Variants in VCAN observed in about 807,000 individuals in gnomAD.
VCAN encodes the protein versican.
In VCAN, 44 loss-of-function variants were observed where a neutral mutation model predicts 245.5. That is an observed-to-expected ratio of 0.18 (90% CI 0.14 to 0.23). The LOEUF is 0.23. Ranked by LOEUF, VCAN falls within the 10% of genes least tolerant of loss-of-function variation. The probability of loss-of-function intolerance (pLI) is 1.00; values close to 1 mark genes in which losing one functional copy is unlikely to be tolerated. For synonymous variants in VCAN, 1,413 were observed against 1,437.0 expected (o/e 0.98, Z 0.38); for missense variants, 3,793 against 4,057.9 (o/e 0.93, Z 1.77).
At chr5:83,547,151 A>G (rs1747258893) in intron 9 of VCAN, among the ~76,000 whole-genome samples, 1 of 152,130 alleles carries the variant, frequency 6.6e-6, no homozygotes, top group African/African-American at 2.4e-5. Flanking sequence ...GGGAGACAGT[A>G]CCAGAAGGCA....
chr5:83,527,984 C>A (rs1746365151), intron 7 of VCAN, among the ~76,000 whole-genome samples: 1 of 152,184 alleles, frequency 6.6e-6, no homozygotes, highest in South Asian at 2.1e-4. Context: ...ACCCATACAC[C>A]ATCTTCTAGC....
In VCAN at chr5:83,519,700, G is replaced by C. The variant is rs1746001317; in HGVS notation, c.1394G>C (p.Gly465Ala). 1 of 1,614,022 alleles carries C rather than the reference G, an allele frequency of 6.2e-7. No individual in the cohort carries two copies. The highest frequency in any genetic ancestry group is 8.5e-7 in the Non-Finnish European group (1 of 1,180,000). The change falls in exon 7 of 15, where the codon GGC (glycine) becomes GCC (alanine). Residue 465 changes from glycine to alanine, a missense_variant. This residue lies in a region of VCAN where 3,182 missense variants were observed against 3,250.3 expected (regional missense o/e 0.98). Coordinates refer to ENST00000265077, the MANE Select transcript of VCAN (RefSeq NM_004385.5). Reference protein sequence around the residue: ...IKEEVLQSTTGVSHYATDSWD... With the variant: ...IKEEVLQSTTAVSHYATDSWD... ...GAAGAAGTGCTCCAGAGTACAACTG[G>C]CGTCTCTCATTATGCTACGGATTCA...
At chr5:83,508,216 C>G (rs1162199094) in intron 5 of VCAN, among the ~76,000 whole-genome samples, 1 of 152,146 alleles carries the variant, frequency 6.6e-6, no homozygotes, top group Admixed American at 6.5e-5. Flanking sequence ...ACTGGGTACC[C>G]AGTCTGCTCA....
intron 12 of VCAN, among the ~76,000 whole-genome samples, chr5:83,556,328 C>T (rs1320789554): frequency 6.6e-6 from 1 of 152,194 alleles, no homozygotes; most frequent in Admixed American, 6.5e-5. Context: ...ACAGTTTCTT[C>T]TGACCGGTAC....
chr5:83,568,451 G>A (rs929611596), intron 12 of VCAN, among the ~76,000 whole-genome samples: 1 of 152,188 alleles, frequency 6.6e-6, no homozygotes, highest in African/African-American at 2.4e-5. Context: ...ATTGCTGCAA[G>A]CCAAATGTAA....
At chr5:83,475,564 A>G (rs994004) in intron 1 of VCAN, among the ~76,000 whole-genome samples, 38,683 of 152,186 alleles carry the variant, frequency 0.25, 6,142 homozygotes, top group Non-Finnish European at 0.36. Context: ...GTTCTGAGAT[A>G]GAAGCGGTTC....
rs141976792 is a variant in VCAN at position 83,541,892 on chromosome 5, C to T, written c.8889C>T (p.Ala2963=). ...TPEAGTVITT[A]DEIELEGATQ... ...AGGCTGGAACTGTTATTACAACTGC[C>T]GATGAAATTGAATTAGAAGGTGCTA... The change falls in exon 8 of 15, where the codon GCC becomes GCT. Residue 2963 remains alanine (A), a synonymous_variant. Transcript: ENST00000265077. The T allele has an allele frequency of 1.7e-5, 27 of 1,613,928 alleles. No homozygotes were observed. The highest frequency in any genetic ancestry group is 7.6e-6 in the Non-Finnish European group (9 of 1,180,000).
At chr5:83,492,354 A>C (rs1451280565) in intron 3 of VCAN, among the ~76,000 whole-genome samples, 1 of 152,234 alleles carries the variant, frequency 6.6e-6, no homozygotes, top group Admixed American at 6.5e-5. Context: ...ACCACAGTTT[A>C]TCCCAAATAA....
chr5:83,484,816 A>G (rs1258249090), intron 2 of VCAN, among the ~76,000 whole-genome samples: 2 of 152,200 alleles, frequency 1.3e-5, no homozygotes, highest in African/African-American at 4.8e-5. Flanking sequence ...AGTTGGGGGA[A>G]GTTGATAAGA....
chr5:83,493,590 A>G lies in VCAN; in HGVS notation c.490A>G (p.Asn164Asp). ...GGCGGCAACCAGCAGGTACACACTG[A>G]ATTTTGAGGCTGCTCAGAAGGCTTG... ...YRAATSRYTL[N>D]FEAAQKACLD... Residue 164 changes from asparagine (N) to aspartate (D), a missense_variant, in exon 4 of 15, where the codon AAT becomes GAT. By Grantham distance (23) the Asn-to-Asp change is conservative. Around this residue, in one of 5 missense-constraint regions of VCAN, gnomAD observed 190 missense variants for 288.6 expected, o/e 0.66. Coordinates refer to ENST00000265077, the MANE Select transcript of VCAN (RefSeq NM_004385.5). 6.2e-7 allele frequency: 1 copy of G among 1,613,864 alleles called. No individual in the cohort carries two copies. Among genetic ancestry groups the G allele is most frequent in the Non-Finnish European group, 8.5e-7 (1 of 1,180,008 alleles).
chr5:83,561,246 C>G (rs1029285364), intron 12 of VCAN, among the ~76,000 whole-genome samples: 1 of 152,022 alleles, frequency 6.6e-6, no homozygotes, highest in African/African-American at 2.4e-5. Flanking sequence ...GAGACTTTCT[C>G]TCTTCTACAT....
Position 83,540,545 on chromosome 5 carries a change from G to A in VCAN, c.7542G>A (p.Arg2514=), listed in dbSNP as rs757439584. The change falls in exon 8 of 15, where the codon AGG becomes AGA. Residue 2514 remains arginine, a synonymous_variant. Coordinates refer to ENST00000265077, the MANE Select transcript of VCAN (RefSeq NM_004385.5). ...TGTCAAATACAGTGTCATATGAGAG[G>A]TCCACAGACGGTAGTTTCCAAGACC... is the stretch of plus-strand genomic sequence containing the variant. ...STLSNTVSYE[R]STDGSFQDRF... 5 of 1,613,874 alleles carry A rather than the reference G, an allele frequency of 3.1e-6. No individual in the cohort carries two copies. In the South Asian group the frequency reaches 4.4e-5, roughly 14 times the overall value.
intron 12 of VCAN, among the ~76,000 whole-genome samples, chr5:83,568,479 T>G (rs983092242): frequency 6.6e-6 from 1 of 152,156 alleles, no homozygotes; most frequent in Admixed American, 6.5e-5. Context: ...CCAAAACAAT[T>G]AAATCTTTTA....
chr5:83,545,123 A>T, intron 8 of VCAN: 1 of 233,382 alleles, frequency 4.3e-6, no homozygotes. Context: ...TGCTAAAAAG[A>T]ATGCATGTTC....
In VCAN at chr5:83,541,014, A is replaced by G. The variant is rs1746959024; in HGVS notation, c.8011A>G (p.Thr2671Ala). The G allele has an allele frequency of 1.2e-6, 2 of 1,614,118 alleles. No individual in the cohort carries two copies. Among genetic ancestry groups the G allele is most frequent in the African/African-American group, 2.7e-5 (2 of 75,034 alleles). ...ACTAGATCACATGGGCTTTCACTTC[A>G]CAACTGGGATCCCTGCTCCTAGCAC... The part of the protein sequence containing the change: ...SQLDHMGFHF[T>A]TGIPAPSTET... Residue 2671 changes from threonine to alanine, a missense_variant, in exon 8 of 15, where the codon ACA becomes GCA. Thr to Ala is a moderately conservative substitution (Grantham distance 58). Around this residue, in one of 5 missense-constraint regions of VCAN, gnomAD observed 3,182 missense variants for 3,250.3 expected, o/e 0.98. Coordinates refer to ENST00000265077, the MANE Select transcript of VCAN (RefSeq NM_004385.5).
chr5:83,482,193 T>C (rs1744637238), intron 1 of VCAN, among the ~76,000 whole-genome samples: 1 of 152,208 alleles, frequency 6.6e-6, no homozygotes, highest in South Asian at 2.1e-4. Context: ...GTATCTCACT[T>C]ACTCATGGAT....
intron 5 of VCAN, among the ~76,000 whole-genome samples, chr5:83,502,560 T>C (rs1274864033): frequency 6.6e-6 from 1 of 152,252 alleles, no homozygotes; most frequent in Non-Finnish European, 1.5e-5. Context: ...TGGGAAAGAA[T>C]GAGTCCAAAC....
At chr5:83,534,309 T>C (rs897042620) in intron 7 of VCAN, 5 of 152,228 alleles carry the variant, frequency 3.3e-5, no homozygotes, top group Admixed American at 6.6e-5. Flanking sequence ...GCCTAGGAGT[T>C]TGTAAATATA....
At position 83,553,352 on chromosome 5, in the gene VCAN, GTTTC is replaced by G. The variant is rs752515775; in HGVS notation, c.9494-9_9494-6del. 8.1e-6 allele frequency: 13 copies of G among 1,613,754 alleles called. No individual in the cohort carries two copies. In the South Asian group the frequency reaches 1.2e-4, roughly 15 times the overall value. ...ATGTGCGTTTAATAAGCTCCTGCCT[GTTTC>G]TTCTCAGATACCGAGACATGTGACT... is the stretch of plus-strand genomic sequence containing the variant. On this transcript the variant is annotated splice_region_variant and splice_polypyrimidine_tract_variant and intron_variant, in intron 10 of 14. Coordinates refer to ENST00000265077, the MANE Select transcript of VCAN (RefSeq NM_004385.5).
Sources: gnomAD v4.1 joint callset for allele counts (sites outside exome capture counted in the v4.1 genomes callset) on GRCh38, gnomAD v4.1.1 for gene constraint, gnomAD v4.1.1 regional missense constraint, MANE v1.5 for transcripts, NCBI Gene and HGNC (gene_info 2026-07-23, HGNC 2026-07-21) for gene names.